The following SGCD variants were observed in gnomAD, a reference collection of about 807,000 sequenced individuals.
SGCD encodes the protein sarcoglycan delta.
A neutral mutation model predicts 36.6 loss-of-function variants in SGCD; 18 were observed. That is an observed-to-expected ratio of 0.49 (90% CI 0.34 to 0.73). The LOEUF (loss-of-function observed/expected upper bound fraction) is 0.73. SGCD is among the 30% of genes least tolerant of loss of function. The probability of loss-of-function intolerance (pLI) is 0.01; values close to 1 mark genes in which losing one functional copy is unlikely to be tolerated. For missense variants in SGCD, 387 were observed against 346.7 expected (o/e 1.12, Z -0.92); for synonymous variants, 133 against 130.6 (o/e 1.02, Z -0.12).
In SGCD at chr5:156,264,258, C is replaced by T. The variant is rs1765947165; in HGVS notation, c.-43-65276C>T. ...ACCTTCAAGTCCCAAAGAGGCAAGA[C>T]TAAGTCCCCAGTTAGATATTATCTT... On this transcript the variant is annotated intron_variant, in intron 3 of 9. Coordinates refer to the SGCD transcript ENST00000517913. Among the ~76,000 whole-genome samples the T allele has an allele frequency of 2.0e-5, 3 of 152,150 alleles. No individual in the cohort carries two copies. In the South Asian group the frequency reaches 6.2e-4, roughly 32 times the overall value.
chr5:156,240,493 A>G (rs1765278836), intron 3 of SGCD, among the ~76,000 whole-genome samples: 1 of 152,178 alleles, frequency 6.6e-6, no homozygotes, highest in Admixed American at 6.5e-5. Context: ...ATTTAAAAAC[A>G]AGATATAGTT....
At chr5:156,704,475 T>C (rs1277370057) in intron 7 of SGCD, among the ~76,000 whole-genome samples, 1 of 152,144 alleles carries the variant, frequency 6.6e-6, no homozygotes, top group Non-Finnish European at 1.5e-5. Flanking sequence ...CCATGTAAGC[T>C]GAACATGTGG....
intron 3 of SGCD, among the ~76,000 whole-genome samples, chr5:156,435,784 A>C (rs924864429): frequency 2.0e-5 from 3 of 152,192 alleles, no homozygotes; most frequent in African/African-American, 7.2e-5. Context: ...TTCCATTAAT[A>C]CTTCTGAAGA....
At chr5:156,510,588 A>G (rs1261567348) in intron 4 of SGCD, among the ~76,000 whole-genome samples, 1 of 152,114 alleles carries the variant, frequency 6.6e-6, no homozygotes, top group Non-Finnish European at 1.5e-5. Flanking sequence ...GAAAGTAAAT[A>G]TTTTAGTTTT....
chr5:156,199,165 T>C (rs2127636144), intron 3 of SGCD, among the ~76,000 whole-genome samples: 1 of 152,274 alleles, frequency 6.6e-6, no homozygotes, highest in African/African-American at 2.4e-5. Flanking sequence ...ACATGGTCTT[T>C]AAAGATTTCT....
At chr5:156,218,201 G>T (rs914613416) in intron 3 of SGCD, among the ~76,000 whole-genome samples, 2 of 152,044 alleles carry the variant, frequency 1.3e-5, no homozygotes, top group South Asian at 4.2e-4. Context: ...GCAGTGAGCC[G>T]AGATGGCGCC....
At chr5:156,589,193 T>C (rs1166695611) in intron 4 of SGCD, 38 bp from the exon 5 acceptor site, 5 of 1,408,694 alleles carry the variant, frequency 3.5e-6, no homozygotes, top group East Asian at 2.5e-5. Context: ...TTTAGAAATC[T>C]ATCATTTTCA....
chr5:156,072,818 CTTTG>C (rs1342311098), intron 1 of SGCD, among the ~76,000 whole-genome samples: 2 of 152,146 alleles, frequency 1.3e-5, no homozygotes, highest in Non-Finnish European at 1.5e-5. Flanking sequence ...TTCTTGGCGG[CTTTG>C]TTTGTTTCTT....
intron 3 of SGCD, among the ~76,000 whole-genome samples, chr5:156,287,069 C>A (rs1183655160): frequency 6.6e-6 from 1 of 152,074 alleles, no homozygotes; most frequent in Non-Finnish European, 1.5e-5. Context: ...AGAGGGTAAA[C>A]AAATAGCACA....
intron 3 of SGCD, among the ~76,000 whole-genome samples, chr5:156,497,724 A>G (rs1756261204): frequency 6.6e-6 from 1 of 152,100 alleles, no homozygotes; most frequent in Non-Finnish European, 1.5e-5. Flanking sequence ...GTAAAAAGGA[A>G]AAGAAAGGAA....
intron 3 of SGCD, among the ~76,000 whole-genome samples, chr5:156,352,973 A>G (rs916491284): frequency 1.3e-5 from 2 of 152,232 alleles, no homozygotes; most frequent in East Asian, 1.9e-4. Context: ...TGTCTAAAAC[A>G]TGGTTTATTT....
chr5:155,738,128 A>G, the SGCD span, among the ~76,000 whole-genome samples: 50 of 152,284 alleles, frequency 3.3e-4, no homozygotes, highest in African/African-American at 1.2e-3. Flanking sequence ...GCATTAACAT[A>G]AGGACTGAAT....
chr5:156,373,928 G>A (rs1580891078), intron 3 of SGCD, among the ~76,000 whole-genome samples: 1 of 152,120 alleles, frequency 6.6e-6, no homozygotes, highest in African/African-American at 2.4e-5. Context: ...TGTGGGTGAC[G>A]AAATAGAAAC....
At chr5:156,162,844 G>T (rs1454434725) in intron 3 of SGCD, among the ~76,000 whole-genome samples, 1 of 151,568 alleles carries the variant, frequency 6.6e-6, no homozygotes, top group Non-Finnish European at 1.5e-5. Context: ...AATTCCCCTT[G>T]ACTCTAAAAT....
chr5:155,895,084 C>T (rs1046245832), intron 1 of SGCD, among the ~76,000 whole-genome samples: 19 of 152,280 alleles, frequency 1.2e-4, no homozygotes, highest in African/African-American at 4.3e-4. Flanking sequence ...AGACTTACTT[C>T]TGATCACTGC....
the SGCD span, among the ~76,000 whole-genome samples, chr5:155,838,881 GTGAC>G: frequency 6.6e-6 from 1 of 151,332 alleles, no homozygotes; most frequent in East Asian, 1.9e-4. Context: ...ACCAAAATGA[GTGAC>G]TGAGGCAGGC....
Position 156,436,900 on chromosome 5 carries a change from A to G in SGCD, c.193-71701A>G, listed in dbSNP as rs150767664. On this transcript the variant is annotated intron_variant, in intron 3 of 8. Coordinates refer to ENST00000337851, the MANE Select transcript of SGCD (RefSeq NM_000337.6). ...ATGGAAAGGTGCTCATGAAAGTGTC[A>G]GGGTGCTGATTATTTCAAGTTGTAA... Among the ~76,000 whole-genome samples the G allele has an allele frequency of 2.0e-3, 312 of 152,302 alleles. 2 individuals carry two copies. Among genetic ancestry groups the G allele is most frequent in the African/African-American group, 7.0e-3 (290 of 41,576 alleles).
At chr5:156,325,185 G>C (rs1767775116), upstream of SGCD, among the ~76,000 whole-genome samples, 1 of 151,884 alleles carries the variant, frequency 6.6e-6, no homozygotes, top group Admixed American at 6.6e-5. Flanking sequence ...GGTATAGCTG[G>C]CTTAATGTTC....
intron 1 of SGCD, among the ~76,000 whole-genome samples, chr5:156,071,505 G>T (rs1480919508): frequency 6.6e-6 from 1 of 152,038 alleles, no homozygotes; most frequent in Non-Finnish European, 1.5e-5. Flanking sequence ...ACAGTTTGTT[G>T]TAATTTCTGT....
Sources: allele counts gnomAD v4.1 joint callset (sites outside exome capture counted in the v4.1 genomes callset), GRCh38; gene constraint gnomAD v4.1.1; transcripts MANE v1.5; gene names NCBI Gene and HGNC (gene_info 2026-07-23, HGNC 2026-07-21).